BCL2: variants seen among roughly 807,000 people sequenced by gnomAD.
BCL2 encodes the protein BCL2 apoptosis regulator.
A neutral mutation model predicts 14.2 loss-of-function variants in BCL2; 1 was observed. The ratio of observed to expected loss-of-function variants is 0.07; its 90% CI spans 0.02 to 0.33. The LOEUF is 0.33. Ranked by LOEUF, BCL2 falls within the 10% of genes least tolerant of loss-of-function variation. The pLI is 0.99. For synonymous variants in BCL2, 151 were observed against 137.2 expected, an observed-to-expected ratio of 1.10 and a Z score of -0.70; for missense variants, 247 against 305.9, an observed-to-expected ratio of 0.81 and a Z score of 1.44.
At chr18:63,221,445 G>T (rs1225359996) in intron 2 of BCL2, among the ~76,000 whole-genome samples, 3 of 152,162 alleles carry the variant, frequency 2.0e-5, no homozygotes, top group Admixed American at 2.0e-4. Context: ...GGAAGGAAAA[G>T]GGGGATAGAG....
At chr18:63,171,206 C>G (rs1256961517) in intron 2 of BCL2, among the ~76,000 whole-genome samples, 1 of 152,170 alleles carries the variant, frequency 6.6e-6, no homozygotes, top group Non-Finnish European at 1.5e-5. Context: ...GTGTAATTTT[C>G]AAGTATCAGT....
intron 2 of BCL2, among the ~76,000 whole-genome samples, chr18:63,270,374 T>TATACATAAGTCATCATGTATACATA (rs1911971865): frequency 6.6e-6 from 1 of 152,158 alleles, no homozygotes; most frequent in African/African-American, 2.4e-5. Context: ...CATCATACAG[T>TATACATAAGTCATCATGTATACATA]AGTATAATGT....
intron 2 of BCL2, among the ~76,000 whole-genome samples, chr18:63,208,346 C>T (rs774165839): frequency 2.6e-5 from 4 of 152,182 alleles, no homozygotes; most frequent in Admixed American, 1.3e-4. Context: ...CCCCCACCCC[C>T]GCCCACCCGG....
rs1427866993 is a variant in BCL2, at chr18:63,124,521, C to A, written c.*4104G>T. Reference sequence around the variant, plus strand: ...TCGACCCCAATACAGGTCCTTCATACCCTTAGTTCTGGTTATTCTGAAAAC... The same window carrying A: ...TCGACCCCAATACAGGTCCTTCATAACCTTAGTTCTGGTTATTCTGAAAAC... On this transcript the variant is annotated 3_prime_UTR_variant, in exon 3 of 3. Transcript: ENST00000333681. 1 of 231,836 alleles carries A rather than the reference C, an allele frequency of 4.3e-6. No homozygotes were observed. The highest frequency in any genetic ancestry group is 5.6e-5 in the Admixed American group (1 of 17,712). 14.4% of individuals were successfully genotyped at this position (231,836 alleles called of 1,614,324 possible).
chr18:63,140,772 G>A (rs990125962), intron 2 of BCL2, among the ~76,000 whole-genome samples: 2 of 152,176 alleles, frequency 1.3e-5, no homozygotes, highest in African/African-American at 4.8e-5. Flanking sequence ...CCAATGCGCT[G>A]ATCACTTTAA....
chr18:63,158,501 A>C (rs1172665650), intron 2 of BCL2, among the ~76,000 whole-genome samples: 1 of 151,320 alleles, frequency 6.6e-6, no homozygotes, highest in East Asian at 2.0e-4. Flanking sequence ...GCCAGTGAGC[A>C]GAAAGACCTG....
At chr18:63,260,609 A>G (rs189408384) in intron 2 of BCL2, among the ~76,000 whole-genome samples, 1 of 152,150 alleles carries the variant, frequency 6.6e-6, no homozygotes, top group Admixed American at 6.5e-5. Flanking sequence ...ACATAACCCA[A>G]CTTCTTAAGG....
At chr18:63,169,276 C>CTTTCTTTCTTTCTTTCTTTCTT (rs1915130826) in intron 2 of BCL2, among the ~76,000 whole-genome samples, 1 of 63,964 alleles carries the variant, frequency 1.6e-5, no homozygotes, top group Non-Finnish European at 2.7e-5. Context: ...TTCTTTCTTT[C>CTTTCTTTCTTTCTTTCTTTCTT]TTTCTTTCTT....
At chr18:63,198,243 TAG>T (rs1222548796) in intron 2 of BCL2, among the ~76,000 whole-genome samples, 2 of 87,106 alleles carry the variant, frequency 2.3e-5, no homozygotes, top group African/African-American at 4.4e-5. Context: ...CACACTGACA[TAG>T]AGACACACAC....
At chr18:63,217,754 A>G (rs1184259300) in intron 2 of BCL2, among the ~76,000 whole-genome samples, 1 of 152,254 alleles carries the variant, frequency 6.6e-6, no homozygotes, top group African/African-American at 2.4e-5. Flanking sequence ...TGCTAAGGTT[A>G]GACAAAGTGA....
At chr18:63,319,896 G>A (rs1170246852), upstream of BCL2, 3 of 174,862 alleles carry the variant, frequency 1.7e-5, no homozygotes, top group African/African-American at 4.7e-5. Flanking sequence ...CCCGCCTCCG[G>A]GCTGCGCACC....
chr18:63,202,071 G>A (rs527271433), intron 2 of BCL2, among the ~76,000 whole-genome samples: 1 of 152,180 alleles, frequency 6.6e-6, no homozygotes, highest in Admixed American at 6.5e-5. Context: ...CACTTGGAGA[G>A]GCCGAAGCAG....
At chr18:63,197,144 G>A (rs1420509225) in intron 2 of BCL2, among the ~76,000 whole-genome samples, 1 of 152,220 alleles carries the variant, frequency 6.6e-6, no homozygotes, top group Non-Finnish European at 1.5e-5. Context: ...ACATGTGGCT[G>A]CCAAACACAC....
chr18:63,161,253 C>T (rs1459487503), intron 2 of BCL2, among the ~76,000 whole-genome samples: 1 of 152,124 alleles, frequency 6.6e-6, no homozygotes, highest in East Asian at 1.9e-4. Flanking sequence ...GAAATCCCCC[C>T]CTTGGACCAA....
intron 2 of BCL2, among the ~76,000 whole-genome samples, chr18:63,236,605 A>G (rs1010847031): frequency 5.9e-5 from 9 of 152,222 alleles, no homozygotes; most frequent in Admixed American, 2.0e-4. Flanking sequence ...AGAACTCGAT[A>G]AAAAGGGAAG....
In BCL2 at chr18:63,128,298, C is replaced by A; in HGVS notation, c.*327G>T. On this transcript the variant is annotated 3_prime_UTR_variant, in exon 3 of 3. Coordinates refer to ENST00000333681, the MANE Select transcript of BCL2 (RefSeq NM_000633.3). The stretch of plus-strand genomic sequence containing the variant: ...CACAGAACATCCAGGTGGAGCCACA[C>A]GAAGCGGTGCTTGGCAATTAGTGGT... 1 of 254,284 alleles carries A rather than the reference C, an allele frequency of 3.9e-6. No individual in the cohort carries two copies. The highest frequency in any genetic ancestry group is 7.6e-6 in the Non-Finnish European group (1 of 131,398). The allele number at this position is 254,284 out of a possible 1,614,324, so 15.8% of individuals were successfully genotyped here.
chr18:63,174,378 GT>G (rs550169089), intron 2 of BCL2, among the ~76,000 whole-genome samples: 41 of 149,828 alleles, frequency 2.7e-4, no homozygotes, highest in Admixed American at 1.7e-3. Context: ...TTTTATTGTT[GT>G]TTTTTTTTTC....
Position 63,172,154 on chromosome 18 carries a change from T to C in BCL2, c.586-43395A>G, listed in dbSNP as rs182079713. On this transcript the variant is annotated intron_variant, in intron 2 of 2. Transcript: ENST00000333681. Reference sequence around the variant, plus strand: ...GCATGTTGAGCTTAGCATGGTCTTATGTATTAATAGTTTAAAAACACAGTG... The same window carrying C: ...GCATGTTGAGCTTAGCATGGTCTTACGTATTAATAGTTTAAAAACACAGTG... Among the ~76,000 whole-genome samples the C allele has an allele frequency of 3.5e-3, 539 of 152,306 alleles. 4 individuals carry two copies. The highest frequency in any genetic ancestry group is 0.012 in the African/African-American group (518 of 41,558).
chr18:63,269,772 G>A (rs566799573), intron 2 of BCL2, among the ~76,000 whole-genome samples: 8 of 152,220 alleles, frequency 5.3e-5, no homozygotes, highest in Middle Eastern at 3.4e-3. Context: ...AATGTCAGTC[G>A]AAATTGGATT....
Sources: allele counts gnomAD v4.1 joint callset (sites outside exome capture counted in the v4.1 genomes callset), GRCh38; gene constraint gnomAD v4.1.1; transcripts MANE v1.5; gene names NCBI Gene and HGNC (gene_info 2026-07-23, HGNC 2026-07-21).